The following ADAM23 variants were observed in gnomAD, a reference collection of about 807,000 sequenced individuals.
ADAM23 encodes the protein disintegrin and metalloproteinase domain-containing protein 23.
Under a neutral mutation model 120.1 loss-of-function variants are expected in ADAM23, and 33 were observed. The ratio of observed to expected loss-of-function variants is 0.27; its 90% CI spans 0.21 to 0.37. ADAM23 has a LOEUF of 0.37. ADAM23 is among the 10% of genes least tolerant of loss of function. The probability of loss-of-function intolerance (pLI) is 1.00; values close to 1 mark genes in which losing one functional copy is unlikely to be tolerated. For missense variants in ADAM23, 862 were observed against 1,058.2 expected (o/e 0.81, Z 2.57); for synonymous variants, 367 against 375.2 (o/e 0.98, Z 0.25).
intron 25 of ADAM23, among the ~76,000 whole-genome samples, chr2:206,616,781 C>T (rs1161958713): frequency 2.0e-5 from 3 of 152,024 alleles, no homozygotes; most frequent in African/African-American, 7.2e-5. Context: ...TTGCTTGATG[C>T]CCCACATAAA....
chr2:206,552,393 A>G (rs1319067347), intron 9 of ADAM23, among the ~76,000 whole-genome samples: 3 of 152,192 alleles, frequency 2.0e-5, no homozygotes, highest in Admixed American at 1.3e-4. Context: ...CTAAGTGTTA[A>G]TTACAATTAA....
chr2:206,515,129 A>G (rs1162730042), intron 3 of ADAM23, among the ~76,000 whole-genome samples: 1 of 152,146 alleles, frequency 6.6e-6, no homozygotes, highest in Non-Finnish European at 1.5e-5. Flanking sequence ...TGGTGTTATC[A>G]TCCATGAATT....
chr2:206,567,764 C>T (rs573279747), intron 15 of ADAM23, among the ~76,000 whole-genome samples: 1 of 152,266 alleles, frequency 6.6e-6, no homozygotes, highest in South Asian at 2.1e-4. Context: ...TATAAAGATA[C>T]TACCTCAGAC....
Position 206,571,792 on chromosome 2 carries a change from C to T in ADAM23, c.1632C>T (p.Pro544=). Residue 544 remains proline (P), a synonymous_variant, in exon 17 of 26, where the codon CCC becomes CCT. Transcript: ENST00000264377. ...ACGGGGCTCACTGCAGCGACGGGCCCTGCTGTAACAATACCTCATGTCTTG... is the reference window on the plus strand; with the variant it reads ...ACGGGGCTCACTGCAGCGACGGGCCTTGCTGTAACAATACCTCATGTCTTG... The part of the protein sequence containing the change: ...LSNGAHCSDG[P]CCNNTSCLFQ... 1 of 1,614,070 alleles carries T rather than the reference C, an allele frequency of 6.2e-7. No individual in the cohort carries two copies. The highest frequency in any genetic ancestry group is 1.3e-5 in the African/African-American group (1 of 75,042).
chr2:206,604,645 G>A (rs1698698691), intron 24 of ADAM23, among the ~76,000 whole-genome samples: 1 of 152,122 alleles, frequency 6.6e-6, no homozygotes, highest in Non-Finnish European at 1.5e-5. Context: ...CTTGTGATAA[G>A]ATAAAGCAGT....
chr2:206,597,397 C>G (rs910165769), intron 24 of ADAM23, among the ~76,000 whole-genome samples: 5 of 151,980 alleles, frequency 3.3e-5, no homozygotes, highest in Admixed American at 1.3e-4. Context: ...CCAGGCTGGT[C>G]TTGAACTCAT....
At chr2:206,570,588 TAC>T in intron 15 of ADAM23, 150 bp from the exon 16 acceptor site, 1 of 595,352 alleles carries the variant, frequency 1.7e-6, no homozygotes, top group Non-Finnish European at 3.0e-6. Flanking sequence ...GTATTTCCCA[TAC>T]AGTCATCATT....
At chr2:206,505,720 A>G (rs13410399) in intron 3 of ADAM23, among the ~76,000 whole-genome samples, 3 of 152,204 alleles carry the variant, frequency 2.0e-5, no homozygotes, top group African/African-American at 7.2e-5. Context: ...TGGGGATTAC[A>G]TGAGATTTGG....
In ADAM23 at chr2:206,445,266, T is replaced by C. The variant is rs1279639016; in HGVS notation, c.215-41T>C. 2.8e-6 allele frequency: 4 copies of C among 1,413,060 alleles called. No individual in the cohort carries two copies. In the East Asian group the frequency reaches 6.8e-5, roughly 24 times the overall value. 87.5% of individuals were successfully genotyped at this position (1,413,060 alleles called of 1,614,324 possible). On this transcript the variant is annotated intron_variant, in intron 1 of 25. Coordinates refer to ENST00000264377, the MANE Select transcript of ADAM23 (RefSeq NM_003812.4). The stretch of plus-strand genomic sequence containing the variant: ...GGGTAAATATGTGTGTGTTTGTGTA[T>C]GTTTGTATTTTCTGCTCCCCCACCC...
chr2:206,477,138 C>G, intron 2 of ADAM23, among the ~76,000 whole-genome samples: 1 of 152,084 alleles, frequency 6.6e-6, no homozygotes, highest in East Asian at 1.9e-4. Flanking sequence ...TGTATGATTG[C>G]TTAATGTCAT....
chr2:206,535,983 A>G (rs764788814), intron 4 of ADAM23, among the ~76,000 whole-genome samples: 2 of 152,232 alleles, frequency 1.3e-5, no homozygotes, highest in African/African-American at 2.4e-5. Flanking sequence ...AATTATATCT[A>G]AATAACAACA....
At chr2:206,544,406 T>C (rs1317699372) in intron 6 of ADAM23, among the ~76,000 whole-genome samples, 1 of 152,128 alleles carries the variant, frequency 6.6e-6, no homozygotes, top group South Asian at 2.1e-4. Context: ...TCAGTAAATA[T>C]TGTATTGAGG....
At chr2:206,530,973 A>G in intron 4 of ADAM23, 25 bp downstream of exon 4, 2 of 1,603,262 alleles carry the variant, frequency 1.2e-6, no homozygotes, top group Non-Finnish European at 1.7e-6. Context: ...GTCGGCAAGT[A>G]CTCTAGTATA....
intron 18 of ADAM23, among the ~76,000 whole-genome samples, chr2:206,581,568 A>C (rs770413597): frequency 2.0e-5 from 3 of 152,080 alleles, no homozygotes; most frequent in Non-Finnish European, 2.9e-5. Flanking sequence ...GTTTTATTCC[A>C]CTGTGATCTG....
intron 3 of ADAM23, among the ~76,000 whole-genome samples, chr2:206,522,958 C>A (rs113148606): frequency 1.3e-5 from 2 of 152,064 alleles, no homozygotes; most frequent in African/African-American, 4.8e-5. Context: ...TATGGTCGAG[C>A]TTTAAGTTAA....
intron 3 of ADAM23, among the ~76,000 whole-genome samples, chr2:206,509,249 A>G (rs567327397): frequency 6.6e-6 from 1 of 152,342 alleles, no homozygotes; most frequent in East Asian, 1.9e-4. Context: ...TGAAAAACAG[A>G]TTCGTATTCA....
At position 206,488,958 on chromosome 2, in the gene ADAM23, A is replaced by G. The variant is rs555107913; in HGVS notation, c.509+7650A>G. On this transcript the variant is annotated intron_variant, in intron 3 of 25. Transcript: ENST00000264377. ...TTACCAAGCTGCAAACAGAAGGCAA[A>G]CTGCCTGGTGGGAGTCCCTGGATCC... Among the ~76,000 whole-genome samples the G allele has an allele frequency of 8.7e-4, 133 of 152,158 alleles. 3 individuals carry two copies. Among genetic ancestry groups the G allele is most frequent in the Non-Finnish European group, 1.0e-3 (68 of 68,012 alleles).
chr2:206,620,201 A>G lies in ADAM23; in HGVS notation c.*2574A>G, dbSNP rs759091984. On this transcript the variant is annotated 3_prime_UTR_variant, in exon 26 of 26. Coordinates refer to ENST00000264377, the MANE Select transcript of ADAM23 (RefSeq NM_003812.4). ...TTAACTTTTAAGCATTTCACAAACA[A>G]CATTGTAAATGTGCGATGTTACGTT... 2 of 152,192 alleles carry G rather than the reference A, an allele frequency of 1.3e-5. No individual in the cohort carries two copies. Among genetic ancestry groups the G allele is most frequent in the Non-Finnish European group, 1.5e-5 (1 of 68,038 alleles). 9.4% of individuals were successfully genotyped at this position (152,192 alleles called of 1,614,324 possible).
chr2:206,588,082 T>C lies in ADAM23; in HGVS notation c.1789-9T>C, dbSNP rs1266079694. 3.1e-6 allele frequency: 5 copies of C among 1,614,090 alleles called. No individual in the cohort carries two copies. Among genetic ancestry groups the C allele is most frequent in the Non-Finnish European group, 3.4e-6 (4 of 1,179,944 alleles). On this transcript the variant is annotated splice_polypyrimidine_tract_variant and intron_variant, in intron 19 of 25. Transcript: ENST00000264377. ...TCTGTGTGCCTCACATGTGTGCTCC[T>C]GTCCCCAGGGCCGCTGCTACAATGG... is the stretch of plus-strand genomic sequence containing the variant.
Sources: gnomAD v4.1 joint callset for allele counts (sites outside exome capture counted in the v4.1 genomes callset) on GRCh38, gnomAD v4.1.1 for gene constraint, MANE v1.5 for transcripts, NCBI Gene and HGNC (gene_info 2026-07-23, HGNC 2026-07-21) for gene names.